RCOR1: variants seen among roughly 807,000 people sequenced by gnomAD.
The protein encoded by RCOR1 is REST corepressor.
In RCOR1, 12 loss-of-function variants were observed where a neutral mutation model predicts 64.0. The observed-to-expected ratio is 0.19, with a 90% CI of 0.12 to 0.30. The LOEUF is 0.30. Ranked by LOEUF, RCOR1 falls within the 10% of genes least tolerant of loss-of-function variation. The pLI is 1.00. For missense variants in RCOR1, 502 were observed against 621.2 expected, an observed-to-expected ratio of 0.81 and a Z score of 2.04; for synonymous variants, 279 against 227.2, an observed-to-expected ratio of 1.23 and a Z score of -2.05.
chr14:102,613,082 G>A (rs954725969), intron 2 of RCOR1, among the ~76,000 whole-genome samples: 11 of 151,854 alleles, frequency 7.2e-5, no homozygotes, highest in Non-Finnish European at 1.3e-4. Flanking sequence ...TTTTGAGATG[G>A]TGCGAGTCTC....
chr14:102,709,423 T>A (rs951249169), intron 6 of RCOR1, among the ~76,000 whole-genome samples: 4 of 152,216 alleles, frequency 2.6e-5, no homozygotes, highest in African/African-American at 9.6e-5. Context: ...TTTCCTGTAA[T>A]ATTTTTATCA....
chr14:102,615,495 C>CTGGA (rs1462533766), intron 2 of RCOR1, among the ~76,000 whole-genome samples: 3 of 145,452 alleles, frequency 2.1e-5, no homozygotes, highest in African/African-American at 7.7e-5. Flanking sequence ...GTCGCTCAGG[C>CTGGA]TGGAGTGCAA....
intron 2 of RCOR1, among the ~76,000 whole-genome samples, chr14:102,635,674 A>G (rs1462834472): frequency 6.6e-6 from 1 of 151,756 alleles, no homozygotes; most frequent in Admixed American, 6.6e-5. Flanking sequence ...TTTTTCTAAT[A>G]TTCTGTATTA....
intron 11 of RCOR1, among the ~76,000 whole-genome samples, chr14:102,722,799 T>G (rs1178441722): frequency 6.6e-6 from 1 of 152,242 alleles, no homozygotes; most frequent in South Asian, 2.1e-4. Flanking sequence ...CTCCGTCATC[T>G]GCAATGTGCA....
rs890385797 is a variant in RCOR1 at position 102,648,109 on chromosome 14, T to C, written c.362-33786T>C. Among the ~76,000 whole-genome samples the C allele has an allele frequency of 7.2e-5, 11 of 152,146 alleles. No individual in the cohort carries two copies. The East Asian group carries it at 2.1e-3, about 30-fold the overall frequency. ...TTTTTATTTTTTTGAGACAGAGTCC[T>C]GTTCTGTCACCCAAGCTGGAATGTA... On this transcript the variant is annotated intron_variant, in intron 2 of 11. Transcript: ENST00000262241.
chr14:102,692,514 C>T (rs1017068014), intron 3 of RCOR1, among the ~76,000 whole-genome samples: 1 of 151,838 alleles, frequency 6.6e-6, no homozygotes, highest in African/African-American at 2.4e-5. Flanking sequence ...CTTACCCCAC[C>T]ATGTGGACAT....
chr14:102,653,998 T>TCTTTCTTTCTTTCTTTCTTTCTTTCTTTC (rs1595214214), intron 2 of RCOR1, among the ~76,000 whole-genome samples: 1 of 126,598 alleles, frequency 7.9e-6, no homozygotes, highest in African/African-American at 3.3e-5. Flanking sequence ...TTTTTTTTTT[T>TCTTTCTTTCTTTCTTTCTTTCTTTCTTTC]TTTTTGAGAC....
In RCOR1 at chr14:102,592,660, A is replaced by T; in HGVS notation, c.-227A>T. The T allele has an allele frequency of 8.1e-7, 1 of 1,227,484 alleles. No homozygotes were observed. The highest frequency in any genetic ancestry group is 1.0e-6 in the Non-Finnish European group (1 of 985,518). 76.0% of individuals were successfully genotyped at this position (1,227,484 alleles called of 1,614,324 possible). ...CTCCCGGAGTAGTTGGTGCCAGTGA[A>T]GTGAGGGCGGCGATGAGAGCGAAAG... is the stretch of plus-strand genomic sequence containing the variant. On this transcript the variant is annotated 5_prime_UTR_variant, in exon 1 of 12. It adds an upstream start codon to the 5' untranslated region. Transcript: ENST00000262241.
chr14:102,650,071 A>G (rs1350006077), intron 2 of RCOR1, among the ~76,000 whole-genome samples: 2 of 151,740 alleles, frequency 1.3e-5, no homozygotes, highest in Admixed American at 6.6e-5. Flanking sequence ...GGTGGCGGGC[A>G]CCTGTAGTCC....
chr14:102,626,057 C>A (rs183546068), intron 2 of RCOR1, among the ~76,000 whole-genome samples: 2 of 152,294 alleles, frequency 1.3e-5, no homozygotes, highest in Non-Finnish European at 2.9e-5. Flanking sequence ...CACTCTACAT[C>A]CTCCTGATCT....
At chr14:102,720,935 G>T in intron 8 of RCOR1, 72 bp from the exon 9 acceptor site, 1 of 801,166 alleles carries the variant, frequency 1.2e-6, no homozygotes, top group Non-Finnish European at 1.9e-6. Flanking sequence ...GTTTCTTTAG[G>T]TTTTTAAGTT....
At chr14:102,620,215 C>T (rs1357950429) in intron 2 of RCOR1, among the ~76,000 whole-genome samples, 1 of 151,240 alleles carries the variant, frequency 6.6e-6, no homozygotes, top group East Asian at 1.9e-4. Context: ...AATAGGGAGA[C>T]ACCCCGTCAC....
chr14:102,665,036 GT>G (rs1894891157), intron 2 of RCOR1, among the ~76,000 whole-genome samples: 1 of 152,070 alleles, frequency 6.6e-6, no homozygotes, highest in African/African-American at 2.4e-5. Flanking sequence ...TGGAGACAGA[GT>G]TTTGCTCTTG....
intron 3 of RCOR1, among the ~76,000 whole-genome samples, chr14:102,700,904 A>G (rs1347805240): frequency 1.3e-5 from 2 of 152,240 alleles, no homozygotes; most frequent in African/African-American, 2.4e-5. Context: ...AGAGTTTCAC[A>G]TGGCTAGGAA....
At chr14:102,724,043 T>C (rs1241160488) in intron 11 of RCOR1, among the ~76,000 whole-genome samples, 1 of 152,106 alleles carries the variant, frequency 6.6e-6, no homozygotes, top group Non-Finnish European at 1.5e-5. Flanking sequence ...TTTTTTAACC[T>C]TGTTATTAGC....
chr14:102,622,264 A>C (rs756910318), intron 2 of RCOR1, among the ~76,000 whole-genome samples: 7 of 152,184 alleles, frequency 4.6e-5, no homozygotes, highest in Non-Finnish European at 7.3e-5. Flanking sequence ...CTCTTTCAGC[A>C]GAAAGCAATG....
At chr14:102,640,087 C>G (rs1030186989) in intron 2 of RCOR1, among the ~76,000 whole-genome samples, 5 of 152,174 alleles carry the variant, frequency 3.3e-5, no homozygotes, top group African/African-American at 1.2e-4. Context: ...TCAGGTGATC[C>G]GCCTGCCTCA....
At chr14:102,708,680 C>G (rs1158112312) in intron 6 of RCOR1, 97 bp downstream of exon 6, 4 of 693,388 alleles carry the variant, frequency 5.8e-6, no homozygotes, top group Non-Finnish European at 1.0e-5. Flanking sequence ...TTTCCCTCCG[C>G]GCCTTCCTGG....
At chr14:102,687,635 G>A (rs1895447683) in intron 3 of RCOR1, among the ~76,000 whole-genome samples, 1 of 152,206 alleles carries the variant, frequency 6.6e-6, no homozygotes, top group South Asian at 2.1e-4. Context: ...ACCATGGCTT[G>A]AGATTTCAGC....
Sources: allele counts gnomAD v4.1 joint callset (sites outside exome capture counted in the v4.1 genomes callset), GRCh38; gene constraint gnomAD v4.1.1; transcripts MANE v1.5; gene names NCBI Gene and HGNC (gene_info 2026-07-23, HGNC 2026-07-21).